CNOT10: variants seen among roughly 807,000 people sequenced by gnomAD.
CNOT10 encodes the protein CCR4-NOT transcription complex subunit 10, also known as CCR4-NOT transcription complex, subunit 10.
CNOT10 carries 30 observed loss-of-function variants against 94.6 expected under a neutral mutation model. The ratio of observed to expected loss-of-function variants is 0.32; its 90% CI spans 0.24 to 0.43. The LOEUF (loss-of-function observed/expected upper bound fraction) is 0.43. Ranked by LOEUF, CNOT10 falls within the 20% of genes least tolerant of loss-of-function variation. The pLI is 1.00. For synonymous variants in CNOT10, 289 were observed against 301.6 expected (o/e 0.96, Z 0.43); for missense variants, 759 against 877.2 (o/e 0.87, Z 1.70).
At chr3:32,685,728 A>G (rs1210878522) in intron 1 of CNOT10, among the ~76,000 whole-genome samples, 1 of 152,150 alleles carries the variant, frequency 6.6e-6, no homozygotes, top group Admixed American at 6.5e-5. Context: ...TGCTCTTCAG[A>G]ATAACTCCGG....
chr3:32,732,287 G>A (rs938472105), intron 10 of CNOT10, among the ~76,000 whole-genome samples: 1 of 151,930 alleles, frequency 6.6e-6, no homozygotes, highest in Non-Finnish European at 1.5e-5. Context: ...CTACTCGGGA[G>A]GCTGAGGCAA....
At chr3:32,729,490 A>G (rs140941517) in intron 10 of CNOT10, among the ~76,000 whole-genome samples, 279 of 152,252 alleles carry the variant, frequency 1.8e-3, no homozygotes, top group African/African-American at 6.5e-3. Flanking sequence ...TTGCATGCCT[A>G]CCATAGGTGA....
chr3:32,699,678 T>C (rs918374972), intron 1 of CNOT10, among the ~76,000 whole-genome samples: 48 of 152,148 alleles, frequency 3.2e-4, no homozygotes, highest in Middle Eastern at 3.2e-3. Flanking sequence ...TGGAGGCTAC[T>C]ATGACAGATG....
chr3:32,692,540 A>G (rs1696895365), intron 1 of CNOT10, among the ~76,000 whole-genome samples: 3 of 152,190 alleles, frequency 2.0e-5, no homozygotes, highest in Non-Finnish European at 2.9e-5. Flanking sequence ...ATCCAGTATT[A>G]GTGATGCTAA....
In CNOT10 at chr3:32,773,698, A is replaced by G; in HGVS notation, c.*87A>G. On this transcript the variant is annotated 3_prime_UTR_variant, in exon 19 of 19. Coordinates refer to ENST00000328834, the MANE Select transcript of CNOT10 (RefSeq NM_015442.3). ...TGTATCACAGCAGAATGAATAAAAG[A>G]TGGTGAAGGCTGTTAATTTTGAGTC... 1 of 1,355,272 alleles carries G rather than the reference A, an allele frequency of 7.4e-7. No individual in the cohort carries two copies. Among genetic ancestry groups the G allele is most frequent in the Non-Finnish European group, 9.9e-7 (1 of 1,005,982 alleles). The allele number at this position is 1,355,272 out of a possible 1,614,324, so 84.0% of individuals were successfully genotyped here.
intron 1 of CNOT10, among the ~76,000 whole-genome samples, chr3:32,699,199 A>C (rs1697220071): frequency 6.6e-6 from 1 of 152,154 alleles, no homozygotes; most frequent in Admixed American, 6.5e-5. Context: ...TGTAGACTTT[A>C]TACTTATTCA....
At chr3:32,691,814 G>A (rs1696860068) in intron 1 of CNOT10, among the ~76,000 whole-genome samples, 1 of 151,670 alleles carries the variant, frequency 6.6e-6, no homozygotes, top group Non-Finnish European at 1.5e-5. Context: ...CCAGCACTTT[G>A]GGAGTCTGAG....
At chr3:32,752,083 T>G (rs1039364894) in intron 13 of CNOT10, among the ~76,000 whole-genome samples, 12 of 151,230 alleles carry the variant, frequency 7.9e-5, no homozygotes, top group Non-Finnish European at 1.8e-4. Flanking sequence ...GAGGTTGGGA[T>G]TTCGGGACCA....
chr3:32,695,553 A>C, intron 1 of CNOT10: 1 of 1,523,696 alleles, frequency 6.6e-7, no homozygotes, highest in Non-Finnish European at 8.8e-7. Context: ...TTAACTGATG[A>C]TTTTCAGTTT....
intron 10 of CNOT10, among the ~76,000 whole-genome samples, chr3:32,731,822 T>A (rs1410021278): frequency 6.6e-6 from 1 of 152,138 alleles, no homozygotes; most frequent in Non-Finnish European, 1.5e-5. Context: ...TTCATGCCTG[T>A]ATTCCCAGCA....
intron 13 of CNOT10, chr3:32,752,870 G>A (rs964868087): frequency 2.9e-5 from 9 of 311,766 alleles, no homozygotes; most frequent in Non-Finnish European, 5.0e-5. Context: ...TGGTAACTAC[G>A]ACAGTAGCAG....
intron 9 of CNOT10, among the ~76,000 whole-genome samples, chr3:32,726,694 CATAATA>C (rs55674577): frequency 0.39 from 55,836 of 141,502 alleles, 13,027 homozygotes; most frequent in Non-Finnish European, 0.51. Context: ...AGACTCTGTC[CATAATA>C]ATAATAATAA....
chr3:32,694,684 G>T (rs537331116), intron 1 of CNOT10, among the ~76,000 whole-genome samples: 2 of 152,110 alleles, frequency 1.3e-5, no homozygotes, highest in Admixed American at 1.3e-4. Flanking sequence ...CTGCTTCCTG[G>T]GTTCAAGTGA....
chr3:32,729,760 CTTTTTTTTTTTTTT>C (rs10590243), intron 10 of CNOT10, among the ~76,000 whole-genome samples: 1,197 of 71,916 alleles, frequency 0.017, 23 homozygotes, highest in African/African-American at 0.063. Flanking sequence ...ATTTATACTT[CTTTTTTTTTTTTTT>C]TTTTTTTTTT....
chr3:32,702,253 G>A (rs765074262), intron 1 of CNOT10, among the ~76,000 whole-genome samples: 4 of 152,282 alleles, frequency 2.6e-5, no homozygotes, highest in Admixed American at 6.5e-5. Flanking sequence ...GAGCCATCAC[G>A]CCCAGCCAAC....
intron 13 of CNOT10, among the ~76,000 whole-genome samples, chr3:32,752,367 A>G (rs574393169): frequency 6.6e-6 from 1 of 152,084 alleles, no homozygotes; most frequent in South Asian, 2.1e-4. Context: ...AAATCATTTA[A>G]CCCCTGTGGG....
At chr3:32,745,738 C>G (rs1699671439) in intron 13 of CNOT10, among the ~76,000 whole-genome samples, 1 of 152,210 alleles carries the variant, frequency 6.6e-6, no homozygotes, top group African/African-American at 2.4e-5. Context: ...GTGGCTCATG[C>G]CTGTAATCCC....
At chr3:32,687,598 C>G (rs1201695537) in intron 1 of CNOT10, 1 of 151,596 alleles carries the variant, frequency 6.6e-6, no homozygotes, top group Non-Finnish European at 1.5e-5. Context: ...ACTACAGGCG[C>G]CCGCCACCAC....
chr3:32,741,638 G>A (rs886379845), intron 13 of CNOT10, among the ~76,000 whole-genome samples: 3 of 151,858 alleles, frequency 2.0e-5, no homozygotes, highest in Non-Finnish European at 4.4e-5. Context: ...GCATGGTGGC[G>A]TGCACCTGTA....
Sources: allele counts gnomAD v4.1 joint callset (sites outside exome capture counted in the v4.1 genomes callset), GRCh38; gene constraint gnomAD v4.1.1; transcripts MANE v1.5; gene names NCBI Gene and HGNC (gene_info 2026-07-23, HGNC 2026-07-21).